Variants in CEP41 observed in about 807,000 individuals in gnomAD.
CEP41 encodes the protein centrosomal protein 41.
CEP41 carries 32 observed loss-of-function variants against 44.3 expected under a neutral mutation model. That is an observed-to-expected ratio of 0.72 (90% CI 0.54 to 0.97). The LOEUF is 0.97. CEP41 is among the 50% of genes least tolerant of loss of function. The pLI is 0.00. For missense variants in CEP41, 432 were observed against 455.2 expected, an observed-to-expected ratio of 0.95 and a Z score of 0.46; for synonymous variants, 151 against 168.5, an observed-to-expected ratio of 0.90 and a Z score of 0.80.
Position 130,402,642 on chromosome 7 carries a change from T to C in CEP41, c.574+6A>G, listed in dbSNP as rs782636770. The C allele has an allele frequency of 1.2e-6, 2 of 1,614,078 alleles. No individual in the cohort carries two copies. The highest frequency in any genetic ancestry group is 8.5e-7 in the Non-Finnish European group (1 of 1,179,962). On this transcript the variant is annotated splice_donor_region_variant and intron_variant, in intron 7 of 10. Coordinates refer to ENST00000223208, the MANE Select transcript of CEP41 (RefSeq NM_018718.3). Reference sequence around the variant, plus strand: ...GTGAGGCACTTTAAAGCCTTCTCTCTCTTACCTCCAACAATGTGGCACTGC... The same window carrying C: ...GTGAGGCACTTTAAAGCCTTCTCTCCCTTACCTCCAACAATGTGGCACTGC...
At chr7:130,437,287 A>T (rs782700470) in intron 1 of CEP41, among the ~76,000 whole-genome samples, 1 of 152,130 alleles carries the variant, frequency 6.6e-6, no homozygotes. Context: ...GAAAATTTTC[A>T]GACTAAAAAG....
rs1796718864 is a variant in CEP41, at chr7:130,397,946, G to A, written c.*945C>T. 2.2e-6 allele frequency: 1 copy of A among 454,394 alleles called. No homozygotes were observed. The highest frequency in any genetic ancestry group is 4.4e-6 in the Non-Finnish European group (1 of 226,788). 28.1% of individuals were successfully genotyped at this position (454,394 alleles called of 1,614,324 possible). A position where few individuals can be genotyped will look rare whatever the true frequency, so the allele number is the denominator to read the frequency against. On this transcript the variant is annotated 3_prime_UTR_variant, in exon 11 of 11. Coordinates refer to ENST00000223208, the MANE Select transcript of CEP41 (RefSeq NM_018718.3). ...TGTATTTCTAAGCAAGGGCTTACGA[G>A]GTTGTCAGCCCTGACAAAGGACTTC...
chr7:130,399,317 C>T (rs1468150997), intron 10 of CEP41: 2 of 478,892 alleles, frequency 4.2e-6, no homozygotes, highest in East Asian at 4.0e-5. Context: ...CCACTACTTC[C>T]TTGGTAGAGA....
intron 2 of CEP41, among the ~76,000 whole-genome samples, chr7:130,425,152 T>G (rs1338663831): frequency 6.6e-6 from 1 of 152,128 alleles, no homozygotes; most frequent in African/African-American, 2.4e-5. Context: ...ATGGGCTGGG[T>G]GCGGTGGCTC....
chr7:130,396,418 C>A lies in CEP41; in HGVS notation c.*2473G>T, dbSNP rs1276689994. 4 of 454,318 alleles carry A rather than the reference C, an allele frequency of 8.8e-6. No homozygotes were observed. Among genetic ancestry groups the A allele is most frequent in the African/African-American group, 2.0e-5 (1 of 49,982 alleles). 28.1% of individuals were successfully genotyped at this position (454,318 alleles called of 1,614,324 possible). A position where few individuals can be genotyped will look rare whatever the true frequency, so the allele number is the denominator to read the frequency against. Reference sequence around the variant, plus strand: ...ATTCATTTATTTTTTTTAAAAAATGCTTTCCTAGGAGATGCAGCAAAAATC... The same window carrying A: ...ATTCATTTATTTTTTTTAAAAAATGATTTCCTAGGAGATGCAGCAAAAATC... On this transcript the variant is annotated 3_prime_UTR_variant, in exon 11 of 11. Coordinates refer to ENST00000223208, the MANE Select transcript of CEP41 (RefSeq NM_018718.3).
intron 2 of CEP41, among the ~76,000 whole-genome samples, chr7:130,425,536 T>C (rs1425428226): frequency 1.3e-5 from 2 of 152,200 alleles, no homozygotes; most frequent in Non-Finnish European, 2.9e-5. Flanking sequence ...AAATGAATCA[T>C]TCATCCATTG....
chr7:130,400,885 C>T, intron 8 of CEP41, 64 bp from the exon 9 acceptor site: 1 of 1,073,912 alleles, frequency 9.3e-7, no homozygotes, highest in Non-Finnish European at 1.4e-6. Flanking sequence ...ACGAGAAACC[C>T]CCAAGGAATA....
At position 130,398,671 on chromosome 7, in the gene CEP41, C is replaced by T. The variant is rs782220265; in HGVS notation, c.*220G>A. On this transcript the variant is annotated 3_prime_UTR_variant, in exon 11 of 11. Coordinates refer to ENST00000223208, the MANE Select transcript of CEP41 (RefSeq NM_018718.3). ...GTAAACAACAGGGAGGAGACTAGAG[C>T]CTGTCACACCTCTGGTTTTTATGGT... 2.7e-6 allele frequency: 2 copies of T among 729,430 alleles called. No individual in the cohort carries two copies. Among genetic ancestry groups the T allele is most frequent in the South Asian group, 2.8e-5 (2 of 71,310 alleles). The allele number at this position is 729,430 out of a possible 1,614,324, so 45.2% of individuals were successfully genotyped here. A position where few individuals can be genotyped will look rare whatever the true frequency, so the allele number is the denominator to read the frequency against.
intron 2 of CEP41, among the ~76,000 whole-genome samples, chr7:130,422,201 C>T (rs1342024198): frequency 1.3e-5 from 2 of 152,282 alleles, no homozygotes; most frequent in African/African-American, 2.4e-5. Flanking sequence ...GGAGATATCA[C>T]GAAATTCTTG....
At chr7:130,416,132 G>T (rs947827168) in intron 3 of CEP41, among the ~76,000 whole-genome samples, 3 of 152,202 alleles carry the variant, frequency 2.0e-5, no homozygotes, top group Non-Finnish European at 4.4e-5. Context: ...CTTCCAAGAA[G>T]ATGTACATTA....
intron 1 of CEP41, among the ~76,000 whole-genome samples, chr7:130,434,096 A>G (rs1797897752): frequency 6.6e-6 from 1 of 152,248 alleles, no homozygotes; most frequent in South Asian, 2.1e-4. Flanking sequence ...AAGTGGAGAA[A>G]TTTTTAATAG....
At chr7:130,409,910 A>G (rs1359158256) in intron 5 of CEP41, among the ~76,000 whole-genome samples, 1 of 151,796 alleles carries the variant, frequency 6.6e-6, no homozygotes, top group Non-Finnish European at 1.5e-5. Flanking sequence ...TGTCCTCTCC[A>G]TGCCTTTCAC....
chr7:130,440,795 CTGCA>C, intron 1 of CEP41, 135 bp downstream of exon 1: 2 of 727,030 alleles, frequency 2.8e-6, no homozygotes, highest in East Asian at 2.8e-5. Flanking sequence ...CGCCCCGCCC[CTGCA>C]TCCCGACCCC....
At chr7:130,424,734 T>C (rs1554423003) in intron 2 of CEP41, among the ~76,000 whole-genome samples, 1 of 151,826 alleles carries the variant, frequency 6.6e-6, no homozygotes, top group Non-Finnish European at 1.5e-5. Context: ...AACTTATATA[T>C]AAAACTTTTA....
rs1554414538 is a variant in CEP41 at position 130,396,383 on chromosome 7, T to G, written c.*2508A>C. 4 of 454,132 alleles carry G rather than the reference T, an allele frequency of 8.8e-6. No homozygotes were observed. Among genetic ancestry groups the G allele is most frequent in the African/African-American group, 8.0e-5 (4 of 50,006 alleles). 28.1% of individuals were successfully genotyped at this position (454,132 alleles called of 1,614,324 possible). ...CTGAGGCCCCCTGCCCTAATTGGAC[T>G]GATTTCCTGATTCATTTATTTTTTT... On this transcript the variant is annotated 3_prime_UTR_variant, in exon 11 of 11. Coordinates refer to ENST00000223208, the MANE Select transcript of CEP41 (RefSeq NM_018718.3).
Position 130,440,988 on chromosome 7 carries a change from T to A in CEP41, c.-22A>T, listed in dbSNP as rs782594729. The A allele has an allele frequency of 2.0e-5, 33 of 1,612,356 alleles. No homozygotes were observed. The highest frequency in any genetic ancestry group is 2.8e-5 in the Non-Finnish European group (33 of 1,179,984). On this transcript the variant is annotated 5_prime_UTR_variant, in exon 1 of 11. Transcript: ENST00000223208. The stretch of plus-strand genomic sequence containing the variant: ...ACATATTTTCTCCAACCGACCACGT[T>A]CGGGGTTCTAGCCTCACGGGTTGCC...
intron 3 of CEP41, 87 bp downstream of exon 3, chr7:130,416,832 C>A (rs1797351891): frequency 9.7e-7 from 1 of 1,030,608 alleles, no homozygotes; most frequent in Non-Finnish European, 1.5e-6. Context: ...GTGCCTGTCA[C>A]CTGTGGAACA....
chr7:130,408,285 C>A, intron 5 of CEP41, among the ~76,000 whole-genome samples: 1 of 152,040 alleles, frequency 6.6e-6, no homozygotes, highest in East Asian at 1.9e-4. Flanking sequence ...CTTAATATAG[C>A]CTGGAAATTG....
At chr7:130,416,845 A>G in intron 3 of CEP41, 74 bp downstream of exon 3, 5 of 1,144,090 alleles carry the variant, frequency 4.4e-6, no homozygotes, top group Non-Finnish European at 6.7e-6. Flanking sequence ...GTGGAACACA[A>G]TTGTTAGTTA....
Sources: gnomAD v4.1 joint callset for allele counts (sites outside exome capture counted in the v4.1 genomes callset) on GRCh38, gnomAD v4.1.1 for gene constraint, MANE v1.5 for transcripts, NCBI Gene and HGNC (gene_info 2026-07-23, HGNC 2026-07-21) for gene names.